Variants in SLC23A2 observed in about 807,000 individuals in gnomAD.
The protein encoded by SLC23A2 is solute carrier family 23 member 2, also known as Na(+)/L-ascorbic acid transporter 2.
A neutral mutation model predicts 73.3 loss-of-function variants in SLC23A2; 36 were observed. That is an observed-to-expected ratio of 0.49 (90% confidence interval 0.38 to 0.65). The LOEUF is 0.65. SLC23A2 is among the 30% of genes least tolerant of loss of function. The probability of loss-of-function intolerance (pLI) is 0.00; values close to 1 mark genes in which losing one functional copy is unlikely to be tolerated. For missense variants in SLC23A2, 507 were observed against 841.6 expected (o/e 0.60, Z 4.92); for synonymous variants, 343 against 327.3 (o/e 1.05, Z -0.52).
intron 1 of SLC23A2, among the ~76,000 whole-genome samples, chr20:4,995,426 G>A (rs1406014268): frequency 3.3e-5 from 5 of 152,030 alleles, no homozygotes; most frequent in Non-Finnish European, 4.4e-5. Context: ...GAATCTCCCC[G>A]TGCCTTTCCA....
At chr20:4,871,227 T>C (rs1054904758) in intron 11 of SLC23A2, among the ~76,000 whole-genome samples, 1 of 152,054 alleles carries the variant, frequency 6.6e-6, no homozygotes, top group Non-Finnish European at 1.5e-5. Context: ...ACAACGTAGC[T>C]GGGGACACAG....
chr20:4,946,473 G>T (rs2087120688), intron 2 of SLC23A2, among the ~76,000 whole-genome samples: 1 of 152,186 alleles, frequency 6.6e-6, no homozygotes, highest in South Asian at 2.1e-4. Context: ...GGGTGAGTTG[G>T]GTGGGGAGGA....
chr20:4,878,500 T>C (rs749569147), intron 9 of SLC23A2, among the ~76,000 whole-genome samples: 56 of 152,186 alleles, frequency 3.7e-4, no homozygotes, highest in Non-Finnish European at 7.3e-5. Context: ...TTTAATTCAG[T>C]GGTTTCTGAC....
intron 16 of SLC23A2, 31 bp downstream of exon 16, chr20:4,859,258 A>T (rs765607294): frequency 8.1e-6 from 11 of 1,359,132 alleles, no homozygotes; most frequent in South Asian, 7.5e-5. Flanking sequence ...AAATAAAAAA[A>T]AAAAAAGTGT....
chr20:4,922,243 C>T (rs1288703176), intron 3 of SLC23A2, among the ~76,000 whole-genome samples: 2 of 152,100 alleles, frequency 1.3e-5, no homozygotes, highest in African/African-American at 4.8e-5. Context: ...CCTGGAAGTG[C>T]AAAAGGCACA....
intron 1 of SLC23A2, chr20:5,010,076 C>G (rs2088233553): frequency 8.0e-6 from 1 of 125,148 alleles, no homozygotes; most frequent in Non-Finnish European, 1.6e-5. Context: ...GCCTGGGCGA[C>G]AGAGTGAGAC....
chr20:4,946,558 T>G (rs1338144735), intron 2 of SLC23A2, among the ~76,000 whole-genome samples: 1 of 152,184 alleles, frequency 6.6e-6, no homozygotes, highest in Non-Finnish European at 1.5e-5. Context: ...AACAAGATGT[T>G]GAAGAATGGG....
rs79110038 is a variant in SLC23A2, at chr20:4,958,454, C to T, written c.-155+12339G>A. Among the ~76,000 whole-genome samples, 417 of 152,274 alleles carry T rather than the reference C, an allele frequency of 2.7e-3. 1 individual carries two copies. The highest frequency in any genetic ancestry group is 6.8e-3 in the Middle Eastern group (2 of 294). On this transcript the variant is annotated intron_variant, in intron 2 of 16. Coordinates refer to ENST00000338244, the MANE Select transcript of SLC23A2 (RefSeq NM_005116.6). ...ACTATAAAGTTTTAACATACATTTT[C>T]CAGAAATAAAATAGTCCAACTAGTA...
chr20:4,987,432 G>T (rs904697099), intron 1 of SLC23A2, among the ~76,000 whole-genome samples: 11 of 152,066 alleles, frequency 7.2e-5, no homozygotes, highest in African/African-American at 2.7e-4. Context: ...GAAATCTGAG[G>T]TCATCTTCAA....
intron 3 of SLC23A2, among the ~76,000 whole-genome samples, chr20:4,916,333 A>G (rs1349412410): frequency 6.6e-6 from 1 of 152,186 alleles, no homozygotes; most frequent in Non-Finnish European, 1.5e-5. Flanking sequence ...AGAAACCTAG[A>G]TATGATTGAA....
rs565816449 is a variant in SLC23A2 at position 4,933,674 on chromosome 20, G to A, written c.-154-958C>T. On this transcript the variant is annotated intron_variant, in intron 2 of 16. Transcript: ENST00000338244. ...GAGAGGGCACAGAGGATCCCTCCAA[G>A]GAATGGCATACATACAATGAAATAT... 9.9e-5 allele frequency among the ~76,000 whole-genome samples: 15 copies of A among 152,050 alleles called. No individual in the cohort carries two copies. The South Asian group carries it at 3.1e-3, about 32-fold the overall frequency.
intron 2 of SLC23A2, among the ~76,000 whole-genome samples, chr20:4,935,949 C>T (rs2122952565): frequency 6.6e-6 from 1 of 152,288 alleles, no homozygotes; most frequent in East Asian, 1.9e-4. Context: ...TCTTTTGTGG[C>T]TTATCCCCTT....
In SLC23A2 at chr20:4,884,813, A is replaced by G. The variant is rs758110729; in HGVS notation, c.582T>C (p.Val194=). Residue 194 remains valine (V), a synonymous_variant, in exon 8 of 17, where the codon GTT becomes GTC. Coordinates refer to ENST00000338244, the MANE Select transcript of SLC23A2 (RefSeq NM_005116.6). ...KWKCNTTDVS[V]ANGTAELLHT... is the part of the protein sequence containing the mutation. ...GCAACAGCTCTGCTGTTCCATTGGC[A>G]ACTGAAACATCTTGAAAACAAAAAC... The G allele has an allele frequency of 1.3e-6, 2 of 1,559,318 alleles. No individual in the cohort carries two copies. The highest frequency in any genetic ancestry group is 2.2e-5 in the Admixed American group (1 of 45,700).
intron 2 of SLC23A2, among the ~76,000 whole-genome samples, chr20:4,959,804 C>T (rs1677274061): frequency 6.6e-6 from 1 of 152,052 alleles, no homozygotes; most frequent in South Asian, 2.1e-4. Context: ...TATTTTTAGA[C>T]ACAGGGTCTC....
chr20:4,881,737 C>T (rs1930892431), intron 9 of SLC23A2, among the ~76,000 whole-genome samples: 1 of 152,146 alleles, frequency 6.6e-6, no homozygotes, highest in African/African-American at 2.4e-5. Context: ...TCTTCATGTG[C>T]TGTATCTGCT....
intron 3 of SLC23A2, among the ~76,000 whole-genome samples, chr20:4,923,702 C>T (rs1932574860): frequency 2.0e-5 from 3 of 152,156 alleles, no homozygotes; most frequent in African/African-American, 7.2e-5. Context: ...CTAAGTACTC[C>T]AAACTCTCTA....
In SLC23A2 at chr20:4,929,418, C is replaced by T. The variant is rs114496810; in HGVS notation, c.108+3037G>A. Among the ~76,000 whole-genome samples the T allele has an allele frequency of 9.9e-3, 1,510 of 152,318 alleles. 16 individuals are homozygous for T. The highest frequency in any genetic ancestry group is 0.035 in the African/African-American group (1,440 of 41,572). On this transcript the variant is annotated intron_variant, in intron 3 of 16. Transcript: ENST00000338244. ...TGGGGGCTGAACCAGGCCAGGCAGGCTTCCCCACTCTTCCATGCCATGGTT... is the reference window on the plus strand; with the variant it reads ...TGGGGGCTGAACCAGGCCAGGCAGGTTTCCCCACTCTTCCATGCCATGGTT...
rs1365176311 is a variant in SLC23A2 at position 4,856,094 on chromosome 20, G to A, written c.*878C>T. 3.3e-5 allele frequency: 5 copies of A among 152,318 alleles called. No homozygotes were observed. The highest frequency in any genetic ancestry group is 1.9e-4 in the East Asian group (1 of 5,180). 9.4% of individuals were successfully genotyped at this position (152,318 alleles called of 1,614,324 possible). A position where few individuals can be genotyped will look rare whatever the true frequency, so the allele number is the denominator to read the frequency against. On this transcript the variant is annotated 3_prime_UTR_variant, in exon 17 of 17. Coordinates refer to ENST00000338244, the MANE Select transcript of SLC23A2 (RefSeq NM_005116.6). This position sits in a 1 kb window ranked among gnomAD's most constrained non-coding sequence, Gnocchi z 4.6. ...GGAATAAAACCTTGTAATTATAGAC[G>A]CGCGCGACAATAACATCCACATGAC...
chr20:4,893,087 C>T (rs1250902916), intron 6 of SLC23A2, among the ~76,000 whole-genome samples: 1 of 150,254 alleles, frequency 6.7e-6, no homozygotes, highest in East Asian at 2.0e-4. Context: ...TTTTTTTAGA[C>T]AGGATCTCGC....
Sources: allele counts gnomAD v4.1 joint callset (sites outside exome capture counted in the v4.1 genomes callset), GRCh38; gene constraint gnomAD v4.1.1; non-coding constraint Gnocchi (gnomAD v3.1); transcripts MANE v1.5; gene names NCBI Gene and HGNC (gene_info 2026-07-23, HGNC 2026-07-21).